The following NEDD4 variants were observed in gnomAD, a reference collection of about 807,000 sequenced individuals.
NEDD4 encodes the protein E3 ubiquitin-protein ligase NEDD4.
In NEDD4, 99 loss-of-function variants were observed where a neutral mutation model predicts 144.9. The ratio of observed to expected loss-of-function variants is 0.68; its 90% CI spans 0.58 to 0.81. The LOEUF (loss-of-function observed/expected upper bound fraction) is 0.81. NEDD4 is among the 30% of genes least tolerant of loss of function. The pLI is 0.00. For missense variants in NEDD4, 985 were observed against 1,065.9 expected (o/e 0.92, Z 1.06); for synonymous variants, 318 against 350.6 (o/e 0.91, Z 1.04).
intron 4 of NEDD4, among the ~76,000 whole-genome samples, chr15:55,950,125 T>C (rs531680878): frequency 1.3e-5 from 2 of 152,316 alleles, no homozygotes; most frequent in Non-Finnish European, 2.9e-5. Flanking sequence ...GTCTGGAATT[T>C]ATTCTGGTTA....
At chr15:55,916,390 T>C (rs1207080225) in intron 5 of NEDD4, 2 of 1,614,082 alleles carry the variant, frequency 1.2e-6, no homozygotes, top group Admixed American at 1.7e-5. Context: ...AGGCTACCAC[T>C]ACAAATGGCT....
intron 4 of NEDD4, among the ~76,000 whole-genome samples, chr15:55,950,774 T>G (rs2037223965): frequency 6.6e-6 from 1 of 152,038 alleles, no homozygotes; most frequent in Admixed American, 6.6e-5. Flanking sequence ...GGAAGAACAT[T>G]TTAGGGATGA....
At chr15:55,912,441 CTT>C (rs2036304369) in intron 5 of NEDD4, among the ~76,000 whole-genome samples, 1 of 151,870 alleles carries the variant, frequency 6.6e-6, no homozygotes, top group Non-Finnish European at 1.5e-5. Context: ...TGAACAAAAA[CTT>C]TTATAACAAA....
At chr15:55,842,228 A>G (rs2033547403) in intron 18 of NEDD4, 65 bp from the exon 19 acceptor site, 1 of 1,343,462 alleles carries the variant, frequency 7.4e-7, no homozygotes. Context: ...CCCATCTCTC[A>G]TAAAGTTATA....
At chr15:55,964,799 T>G (rs2037485760) in intron 2 of NEDD4, among the ~76,000 whole-genome samples, 1 of 151,698 alleles carries the variant, frequency 6.6e-6, no homozygotes, top group South Asian at 2.1e-4. Flanking sequence ...ATTTCCAATG[T>G]GGGAATATTG....
rs1166107299 is a variant in NEDD4, at chr15:55,829,823, C to T, written c.*74G>A. 2.7e-6 allele frequency: 3 copies of T among 1,114,204 alleles called. No individual in the cohort carries two copies. The highest frequency in any genetic ancestry group is 2.6e-6 in the Non-Finnish European group (2 of 770,402). 69.0% of individuals were successfully genotyped at this position (1,114,204 alleles called of 1,614,324 possible). A position where few individuals can be genotyped will look rare whatever the true frequency, so the allele number is the denominator to read the frequency against. On this transcript the variant is annotated 3_prime_UTR_variant, in exon 29 of 29. Transcript: ENST00000435532. Reference sequence around the variant, plus strand: ...CTCAGTGGCCACATTTTAGTAGTTCCCCGGAAAATTTTAAGTCAAGATTTT... The same window carrying T: ...CTCAGTGGCCACATTTTAGTAGTTCTCCGGAAAATTTTAAGTCAAGATTTT...
At chr15:55,854,637 C>A (rs978639278) in intron 12 of NEDD4, among the ~76,000 whole-genome samples, 9 of 152,120 alleles carry the variant, frequency 5.9e-5, no homozygotes, top group East Asian at 1.9e-4. Flanking sequence ...ATTGAGGGAA[C>A]TTTTGGGGGT....
intron 4 of NEDD4, among the ~76,000 whole-genome samples, chr15:55,939,816 A>C (rs1389989167): frequency 6.6e-6 from 1 of 152,194 alleles, no homozygotes; most frequent in Non-Finnish European, 1.5e-5. Context: ...AGGTTCCCCA[A>C]AAAATTAAAA....
At position 55,833,087 on chromosome 15, in the gene NEDD4, A is replaced by C; in HGVS notation, c.2448T>G (p.Asp816Glu). The part of the protein sequence containing the change: ...QWFWKAVLMM[D>E]SEKRIRLLQF... ...GAAGTAATCTTATTCTTTTTTCTGA[A>C]TCCATCATTAAAACAGCCTGAATAA... Residue 816 changes from aspartate (D) to glutamate (E), a missense_variant, in exon 27 of 29, where the codon GAT becomes GAG. Transcript: ENST00000435532. 4 of 1,612,354 alleles carry C rather than the reference A, an allele frequency of 2.5e-6. No individual in the cohort carries two copies. The highest frequency in any genetic ancestry group is 1.7e-5 in the Admixed American group (1 of 59,974).
At chr15:55,956,586 A>C (rs541011443) in intron 2 of NEDD4, among the ~76,000 whole-genome samples, 8 of 152,274 alleles carry the variant, frequency 5.3e-5, no homozygotes, top group African/African-American at 1.9e-4. Context: ...AGCTGATCAT[A>C]TATATGTGTA....
chr15:55,917,582 T>G (rs1418942705), intron 5 of NEDD4, among the ~76,000 whole-genome samples: 1 of 152,022 alleles, frequency 6.6e-6, no homozygotes, highest in Admixed American at 6.6e-5. Context: ...GCTTCCAAAG[T>G]GCTAGTTACA....
intron 2 of NEDD4, among the ~76,000 whole-genome samples, chr15:55,964,950 C>A (rs67480957): frequency 0.13 from 20,323 of 151,712 alleles, 1,476 homozygotes; most frequent in East Asian, 0.32. Context: ...CACACCTCCC[C>A]CTTGCTTCCA....
At chr15:55,963,135 A>ATT (rs201400016) in intron 2 of NEDD4, among the ~76,000 whole-genome samples, 65 of 136,102 alleles carry the variant, frequency 4.8e-4, no homozygotes, top group African/African-American at 1.1e-3. Context: ...ACTCTTTTTT[A>ATT]TTTTTTTTTT....
chr15:55,898,631 C>CTTTTTTT (rs34372143), intron 5 of NEDD4, among the ~76,000 whole-genome samples: 1 of 108,290 alleles, frequency 9.2e-6, no homozygotes, highest in Non-Finnish European at 1.9e-5. Context: ...ACAAAAAGAA[C>CTTTTTTT]TTTTTTTTTT....
In NEDD4 at chr15:55,917,050, T is replaced by G. The variant is rs1022302464; in HGVS notation, c.291+7596A>C. ...TCCAGAGACTGACGTTTCCAAAATGTCTTGAATCGCTTGTAGTCAAAATGC... is the reference window on the plus strand; with the variant it reads ...TCCAGAGACTGACGTTTCCAAAATGGCTTGAATCGCTTGTAGTCAAAATGC... On this transcript the variant is annotated intron_variant, in intron 5 of 28. Transcript: ENST00000435532. 7.0e-6 allele frequency: 9 copies of G among 1,284,120 alleles called. No individual in the cohort carries two copies. The East Asian group carries it at 2.6e-4, about 37-fold the overall frequency. 79.5% of individuals were successfully genotyped at this position (1,284,120 alleles called of 1,614,324 possible).
intron 18 of NEDD4, among the ~76,000 whole-genome samples, chr15:55,843,378 C>T (rs2033603429): frequency 1.3e-5 from 2 of 152,250 alleles, no homozygotes; most frequent in South Asian, 4.1e-4. Context: ...TTAAGAAAGT[C>T]TTAGCTCCTG....
At position 55,900,683 on chromosome 15, in the gene NEDD4, T is replaced by C. The variant is rs1036281569; in HGVS notation, c.291+23963A>G. Reference sequence around the variant, plus strand: ...CAGACCGACAAAATTGAGTTGCTTATATGAATCATACAAAATTGAGCTTTT... The same window carrying C: ...CAGACCGACAAAATTGAGTTGCTTACATGAATCATACAAAATTGAGCTTTT... On this transcript the variant is annotated intron_variant, in intron 5 of 28. Coordinates refer to ENST00000435532, the MANE Select transcript of NEDD4 (RefSeq NM_006154.4). 2.0e-5 allele frequency among the ~76,000 whole-genome samples: 3 copies of C among 152,170 alleles called. No individual in the cohort carries two copies. In the South Asian group the frequency reaches 6.2e-4, roughly 32 times the overall value.
intron 4 of NEDD4, among the ~76,000 whole-genome samples, chr15:55,950,185 A>G (rs1430288892): frequency 6.6e-6 from 1 of 152,118 alleles, no homozygotes; most frequent in African/African-American, 2.4e-5. Flanking sequence ...TGACGATCCA[A>G]TTGATTCAAT....
intron 4 of NEDD4, among the ~76,000 whole-genome samples, chr15:55,942,470 G>A (rs929551435): frequency 6.6e-6 from 1 of 152,094 alleles, no homozygotes; most frequent in Non-Finnish European, 1.5e-5. Context: ...GATAGTAAGC[G>A]ACTTCTTATG....
Sources: allele counts gnomAD v4.1 joint callset (sites outside exome capture counted in the v4.1 genomes callset), GRCh38; gene constraint gnomAD v4.1.1; transcripts MANE v1.5; gene names NCBI Gene and HGNC (gene_info 2026-07-23, HGNC 2026-07-21).